RBM46: variants seen among roughly 807,000 people sequenced by gnomAD.
RBM46 encodes the protein probable RNA-binding protein 46.
RBM46 carries 12 observed loss-of-function variants against 43.3 expected under a neutral mutation model. That is an observed-to-expected ratio of 0.28 (90% CI 0.18 to 0.45). The LOEUF (loss-of-function observed/expected upper bound fraction) is 0.45, where lower values mean the gene tolerates loss of function less well. Among genes scored for constraint, RBM46 ranks in the 20% least tolerant of loss-of-function variants. RBM46 has a pLI of 1.00. For missense variants in RBM46, 412 were observed against 639.1 expected, an observed-to-expected ratio of 0.64 and a Z score of 3.83; for synonymous variants, 205 against 207.6, an observed-to-expected ratio of 0.99 and a Z score of 0.11.
intron 4 of RBM46, among the ~76,000 whole-genome samples, chr4:154,808,453 TC>T (rs1273094995): frequency 6.6e-6 from 1 of 152,062 alleles, no homozygotes; most frequent in African/African-American, 2.4e-5. Flanking sequence ...TTAATTTTTT[TC>T]TTGTTAACTT....
chr4:154,817,458 G>A (rs779060992), intron 4 of RBM46, among the ~76,000 whole-genome samples: 3 of 150,762 alleles, frequency 2.0e-5, no homozygotes, highest in Admixed American at 6.6e-5. Context: ...TCAGCCTCCC[G>A]AGTAGCTGGG....
intron 4 of RBM46, among the ~76,000 whole-genome samples, chr4:154,819,420 C>G (rs543206890): frequency 2.0e-5 from 3 of 152,286 alleles, no homozygotes; most frequent in Middle Eastern, 6.8e-3. Context: ...ATTGGCCAAG[C>G]CTTCCAGAGG....
At position 154,814,094 on chromosome 4, in the gene RBM46, T is replaced by C. The variant is rs561923715; in HGVS notation, c.1403-13774T>C. Among the ~76,000 whole-genome samples, 3 of 152,108 alleles carry C rather than the reference T, an allele frequency of 2.0e-5. No individual in the cohort carries two copies. In the South Asian group the frequency reaches 6.2e-4, roughly 31 times the overall value. On this transcript the variant is annotated intron_variant, in intron 4 of 4. Transcript: ENST00000281722. ...TTGAAAATAATGAAAATTAGGAGCC[T>C]ACTTAGATTTTTACTTAGTTTTCCC...
At chr4:154,818,570 A>T (rs754303501) in intron 4 of RBM46, among the ~76,000 whole-genome samples, 47 of 152,148 alleles carry the variant, frequency 3.1e-4, no homozygotes, top group Non-Finnish European at 5.7e-4. Flanking sequence ...ACTTTTGTAT[A>T]GTCTTCTTAG....
At chr4:154,826,046 G>T (rs1735941974) in intron 4 of RBM46, among the ~76,000 whole-genome samples, 1 of 151,112 alleles carries the variant, frequency 6.6e-6, no homozygotes, top group South Asian at 2.1e-4. Context: ...CAGAAGGAAA[G>T]AATCAGACTT....
chr4:154,799,783 G>T, intron 4 of RBM46, among the ~76,000 whole-genome samples: 1 of 134,936 alleles, frequency 7.4e-6, no homozygotes, highest in Admixed American at 7.9e-5. Context: ...TTTGAGAGAT[G>T]GAGTCTTGCT....
intron 4 of RBM46, among the ~76,000 whole-genome samples, chr4:154,824,216 G>T (rs1735847352): frequency 6.6e-6 from 1 of 151,820 alleles, no homozygotes; most frequent in Non-Finnish European, 1.5e-5. Flanking sequence ...AAAATTGCTG[G>T]CAGTACCAAA....
chr4:154,800,075 T>G (rs1443330974), intron 4 of RBM46, among the ~76,000 whole-genome samples: 1 of 152,176 alleles, frequency 6.6e-6, no homozygotes, highest in African/African-American at 2.4e-5. Flanking sequence ...CTGGCCTACA[T>G]TTAGCTTTTT....
chr4:154,824,899 G>C (rs1196150408), intron 4 of RBM46, among the ~76,000 whole-genome samples: 1 of 152,032 alleles, frequency 6.6e-6, no homozygotes, highest in Non-Finnish European at 1.5e-5. Context: ...GGCTGGAAAA[G>C]GGTACAGGAA....
chr4:154,788,123 C>A (rs897622826), intron 1 of RBM46, among the ~76,000 whole-genome samples: 2 of 151,944 alleles, frequency 1.3e-5, no homozygotes, highest in Non-Finnish European at 2.9e-5. Flanking sequence ...AAATTTTCTC[C>A]CATTCTGTAG....
intron 4 of RBM46, among the ~76,000 whole-genome samples, chr4:154,816,297 G>A (rs996215079): frequency 6.6e-6 from 1 of 151,970 alleles, no homozygotes; most frequent in South Asian, 2.1e-4. Context: ...ATTTTGATTG[G>A]AACGGAATTG....
At position 154,799,511 on chromosome 4, in the gene RBM46, C is replaced by T; in HGVS notation, c.1349C>T (p.Thr450Ile). The T allele has an allele frequency of 6.2e-7, 1 of 1,606,410 alleles. No individual in the cohort carries two copies. The highest frequency in any genetic ancestry group is 1.1e-5 in the South Asian group (1 of 89,066). Residue 450 changes from threonine to isoleucine, a missense_variant, in exon 4 of 5, where the codon ACT (threonine) becomes ATT (isoleucine). This residue lies in a region of RBM46 where 149 missense variants were observed against 156.3 expected (regional missense o/e 0.95). Transcript: ENST00000281722. ...TACTTCATGCCAGACAAACTCTGTA[C>T]TACGTTAGAAGATGCAAAGGAACTG... ...QSYFMPDKLC[T>I]TLEDAKELAA... is the part of the protein sequence containing the mutation.
chr4:154,825,409 C>T (rs1247685439), intron 4 of RBM46, among the ~76,000 whole-genome samples: 3 of 152,018 alleles, frequency 2.0e-5, no homozygotes, highest in Admixed American at 2.0e-4. Context: ...ATTGTATTTT[C>T]CAACCAGCTA....
At chr4:154,782,767 C>T (rs560908055) in intron 1 of RBM46, among the ~76,000 whole-genome samples, 3 of 152,322 alleles carry the variant, frequency 2.0e-5, no homozygotes, top group Non-Finnish European at 4.4e-5. Context: ...AGGCGTGAGC[C>T]ATCGCCGCCG....
At chr4:154,807,480 A>T (rs1734962433) in intron 4 of RBM46, among the ~76,000 whole-genome samples, 1 of 151,764 alleles carries the variant, frequency 6.6e-6, no homozygotes, top group African/African-American at 2.4e-5. Context: ...AAGTGAATGG[A>T]CTCATGAATA....
intron 1 of RBM46, among the ~76,000 whole-genome samples, chr4:154,791,241 T>C (rs764852146): frequency 2.0e-4 from 30 of 152,224 alleles, no homozygotes; most frequent in Non-Finnish European, 3.4e-4. Context: ...GTGATCCTTT[T>C]AAGAGGGATG....
At chr4:154,792,330 G>C (rs1734140106) in intron 1 of RBM46, among the ~76,000 whole-genome samples, 1 of 152,118 alleles carries the variant, frequency 6.6e-6, no homozygotes, top group Non-Finnish European at 1.5e-5. Context: ...AAATGTAGAA[G>C]TAAAATGGAA....
chr4:154,810,371 T>C (rs894848917), intron 4 of RBM46, among the ~76,000 whole-genome samples: 3 of 152,180 alleles, frequency 2.0e-5, no homozygotes, highest in Non-Finnish European at 4.4e-5. Flanking sequence ...ACAATTTAAT[T>C]CAACCTTGAC....
At chr4:154,813,786 C>A (rs1255240366) in intron 4 of RBM46, among the ~76,000 whole-genome samples, 1 of 151,944 alleles carries the variant, frequency 6.6e-6, no homozygotes, top group Non-Finnish European at 1.5e-5. Context: ...TTGAAAATTC[C>A]AGGTGCTAAT....
Sources: gnomAD v4.1 joint callset for allele counts (sites outside exome capture counted in the v4.1 genomes callset) on GRCh38, gnomAD v4.1.1 for gene constraint, gnomAD v4.1.1 regional missense constraint, MANE v1.5 for transcripts, NCBI Gene and HGNC (gene_info 2026-07-23, HGNC 2026-07-21) for gene names.